Variants in PACSIN1 observed in about 807,000 individuals in gnomAD.
The protein encoded by PACSIN1 is protein kinase C and casein kinase substrate in neurons protein 1.
In PACSIN1, 15 loss-of-function variants were observed where a neutral mutation model predicts 59.5. The observed-to-expected ratio is 0.25, with a 90% CI of 0.17 to 0.39. The LOEUF (loss-of-function observed/expected upper bound fraction) is 0.39, where lower values mean the gene tolerates loss of function less well. PACSIN1 is among the 10% of genes least tolerant of loss of function. The pLI, the probability that PACSIN1 is intolerant of heterozygous loss-of-function variation, is 1.00. For synonymous variants in PACSIN1, 210 were observed against 220.6 expected, an observed-to-expected ratio of 0.95 and a Z score of 0.42; for missense variants, 420 against 580.2, an observed-to-expected ratio of 0.72 and a Z score of 2.84.
At chr6:34,490,114 C>T (rs1210956132) in intron 1 of PACSIN1, among the ~76,000 whole-genome samples, 2 of 151,614 alleles carry the variant, frequency 1.3e-5, no homozygotes, top group East Asian at 3.9e-4. Context: ...GTAGTGTGAT[C>T]AGGGCTCACT....
Position 34,530,141 on chromosome 6 carries a change from C to T in PACSIN1, c.789-102C>T. Reference sequence around the variant, plus strand: ...CATGATTCCTGGCTGGGCAGCATGCCCAGCACCCTGCTTCCCTGAGTGGAC... The same window carrying T: ...CATGATTCCTGGCTGGGCAGCATGCTCAGCACCCTGCTTCCCTGAGTGGAC... On this transcript the variant is annotated intron_variant, in intron 6 of 9. Coordinates refer to ENST00000244458, the MANE Select transcript of PACSIN1 (RefSeq NM_020804.5). The surrounding 1 kb of genome is among the most constrained non-coding windows in gnomAD (Gnocchi z 4.4). 6.9e-7 allele frequency: 1 copy of T among 1,443,590 alleles called. No individual in the cohort carries two copies. Among genetic ancestry groups the T allele is most frequent in the Non-Finnish European group, 9.3e-7 (1 of 1,078,888 alleles). 89.4% of individuals were successfully genotyped at this position (1,443,590 alleles called of 1,614,324 possible).
At chr6:34,472,733 C>T (rs1766589125) in intron 1 of PACSIN1, among the ~76,000 whole-genome samples, 1 of 152,088 alleles carries the variant, frequency 6.6e-6, no homozygotes, top group Non-Finnish European at 1.5e-5. Context: ...TGCCTGAAAC[C>T]TGGCGGGATG....
Position 34,527,355 on chromosome 6 carries a change from G to C in PACSIN1, c.87G>C (p.Val29=), listed in dbSNP as rs145325430. 1.2e-3 allele frequency: 1,982 copies of C among 1,591,738 alleles called. 51 individuals are homozygous for C. The East Asian group carries it at 0.043, about 35-fold the overall frequency. Residue 29 remains valine (V), a synonymous_variant, in exon 3 of 10, where the codon GTG becomes GTC. Transcript: ENST00000244458. ...FWEVGNYKRT[V]KRIDDGHRLC... is the part of the protein sequence containing the mutation. ...AGGTGGGGAACTACAAGCGGACCGTGAAGCGCATCGATGACGGCCACCGTC... is the reference window on the plus strand; with the variant it reads ...AGGTGGGGAACTACAAGCGGACCGTCAAGCGCATCGATGACGGCCACCGTC...
chr6:34,484,211 T>C (rs938743117), intron 1 of PACSIN1, among the ~76,000 whole-genome samples: 2 of 152,132 alleles, frequency 1.3e-5, no homozygotes, highest in African/African-American at 2.4e-5. Flanking sequence ...TGTCCTTCAA[T>C]AGGCAAATGG....
chr6:34,478,307 C>G (rs1486843407), intron 1 of PACSIN1, among the ~76,000 whole-genome samples: 1 of 151,170 alleles, frequency 6.6e-6, no homozygotes, highest in African/African-American at 2.4e-5. Context: ...GATCCACCCT[C>G]CTCGGCCTCC....
intron 1 of PACSIN1, among the ~76,000 whole-genome samples, chr6:34,478,997 C>A (rs867682825): frequency 1.3e-5 from 2 of 152,076 alleles, no homozygotes; most frequent in Admixed American, 1.3e-4. Context: ...AAGAGACAGA[C>A]GAGAGGCTGG....
chr6:34,529,797 G>A lies in PACSIN1; in HGVS notation c.744G>A (p.Val248=), dbSNP rs760044717. 6.2e-7 allele frequency: 1 copy of A among 1,613,990 alleles called. No individual in the cohort carries two copies. Among genetic ancestry groups the A allele is most frequent in the East Asian group, 2.2e-5 (1 of 44,868 alleles). The change falls in exon 6 of 10, where the codon GTG becomes GTA. Residue 248 remains valine, a synonymous_variant. Transcript: ENST00000244458. This position sits in a 1 kb window ranked among gnomAD's most constrained non-coding sequence, Gnocchi z 6.3. The stretch of plus-strand genomic sequence containing the variant: ...AGCGGCTGGTCTTCCTCAAGGAGGT[G>A]CTGCTGGACATCAAACGGCACCTCA... ...EEKRLVFLKE[V]LLDIKRHLNL...
intron 1 of PACSIN1, among the ~76,000 whole-genome samples, chr6:34,477,771 C>G (rs1431042843): frequency 1.3e-5 from 2 of 152,180 alleles, no homozygotes; most frequent in Non-Finnish European, 2.9e-5. Flanking sequence ...CTTTTTGAGA[C>G]AGGGTCTCAC....
Position 34,529,524 on chromosome 6 carries a change from T to C in PACSIN1, c.584T>C (p.Val195Ala), listed in dbSNP as rs755411298. The change falls in exon 5 of 10, where the codon GTG becomes GCG. Residue 195 changes from valine (V) to alanine (A), a missense_variant. Transcript: ENST00000244458. This position sits in a 1 kb window ranked among gnomAD's most constrained non-coding sequence, Gnocchi z 6.3. ...PEQQKKLQDK[V>A]DKCKQDVQKT... ...CAGCAAAAGAAGCTGCAGGACAAAG[T>C]GGACAAGTGCAAGCAGGATGTGCAG... The C allele has an allele frequency of 2.5e-6, 4 of 1,613,592 alleles. No individual in the cohort carries two copies. In the Admixed American group the frequency reaches 6.7e-5, roughly 27 times the overall value.
At chr6:34,519,343 T>A (rs907204412) in intron 1 of PACSIN1, among the ~76,000 whole-genome samples, 1 of 152,102 alleles carries the variant, frequency 6.6e-6, no homozygotes, top group Non-Finnish European at 1.5e-5. Context: ...CTCCTCAACT[T>A]GGGATCATCA....
chr6:34,479,799 T>C (rs903831797), intron 1 of PACSIN1, among the ~76,000 whole-genome samples: 2 of 150,908 alleles, frequency 1.3e-5, no homozygotes, highest in African/African-American at 4.9e-5. Flanking sequence ...TTAAAGTCTG[T>C]TGTTTTTTAT....
intron 1 of PACSIN1, 55 bp from the exon 2 acceptor site, chr6:34,526,188 C>A: frequency 1.2e-6 from 1 of 810,838 alleles, no homozygotes; most frequent in South Asian, 1.6e-5. Flanking sequence ...TGGAATGGGG[C>A]AAAGGGTGGA....
intron 1 of PACSIN1, among the ~76,000 whole-genome samples, chr6:34,486,713 C>T (rs72898462): frequency 0.2 from 30,734 of 151,852 alleles, 3,296 homozygotes; most frequent in Non-Finnish European, 0.24. Context: ...GGCCCTCCTC[C>T]GTGGGCCCCT....
At chr6:34,505,450 C>T (rs1767096946) in intron 1 of PACSIN1, among the ~76,000 whole-genome samples, 1 of 150,780 alleles carries the variant, frequency 6.6e-6, no homozygotes, top group Non-Finnish European at 1.5e-5. Context: ...TCTCCCCTTC[C>T]TCTTGGACTC....
At chr6:34,492,486 C>T (rs564984390) in intron 1 of PACSIN1, among the ~76,000 whole-genome samples, 2 of 152,200 alleles carry the variant, frequency 1.3e-5, no homozygotes, top group Non-Finnish European at 2.9e-5. Context: ...TAGGTTCAAG[C>T]GATTCTCCTG....
chr6:34,523,058 C>G lies in PACSIN1; in HGVS notation c.-63-3185C>G, dbSNP rs1261056080. ...ATGCTTCACCAGCTCTCCGGGTATC[C>G]CCTAATCCCATCAAGCTGACCCCTG... On this transcript the variant is annotated intron_variant, in intron 1 of 9. Coordinates refer to ENST00000244458, the MANE Select transcript of PACSIN1 (RefSeq NM_020804.5). Among the ~76,000 whole-genome samples the G allele has an allele frequency of 2.0e-5, 3 of 152,208 alleles. No homozygotes were observed. The East Asian group carries it at 5.8e-4, about 29-fold the overall frequency.
intron 1 of PACSIN1, among the ~76,000 whole-genome samples, chr6:34,478,146 G>A (rs960228904): frequency 4.0e-5 from 6 of 149,444 alleles, no homozygotes; most frequent in South Asian, 2.1e-4. Flanking sequence ...TGCAACCTCC[G>A]GCTCCCGGGT....
In PACSIN1 at chr6:34,527,384, G is replaced by A. The variant is rs1226269626; in HGVS notation, c.116G>A (p.Cys39Tyr). 94 of 1,601,044 alleles carry A rather than the reference G, an allele frequency of 5.9e-5. No individual in the cohort carries two copies. Among genetic ancestry groups the A allele is most frequent in the Non-Finnish European group, 7.4e-5 (87 of 1,175,028 alleles). ...VKRIDDGHRL[C>Y]NDLMNCVQER... ...CGCATCGATGACGGCCACCGTCTAT[G>A]CAACGACCTGATGAACTGCGTGCAG... Residue 39 changes from cysteine (C) to tyrosine (Y), a missense_variant, in exon 3 of 10, where the codon TGC (cysteine) becomes TAC (tyrosine). Coordinates refer to ENST00000244458, the MANE Select transcript of PACSIN1 (RefSeq NM_020804.5).
chr6:34,490,226 CTT>C (rs56754772), intron 1 of PACSIN1, among the ~76,000 whole-genome samples: 631 of 102,660 alleles, frequency 6.1e-3, no homozygotes, highest in African/African-American at 0.024. Flanking sequence ...AATTTAAAAA[CTT>C]TTTTTTTTTT....
Sources: allele counts gnomAD v4.1 joint callset (sites outside exome capture counted in the v4.1 genomes callset), GRCh38; gene constraint gnomAD v4.1.1; non-coding constraint Gnocchi (gnomAD v3.1); transcripts MANE v1.5; gene names NCBI Gene and HGNC (gene_info 2026-07-23, HGNC 2026-07-21).